The following SPIDR variants were observed in gnomAD, a reference collection of about 807,000 sequenced individuals.
SPIDR encodes scaffold protein involved in DNA repair.
In SPIDR, 93 loss-of-function variants were observed where a neutral mutation model predicts 104.6. That is an observed-to-expected ratio of 0.89 (90% CI 0.75 to 1.06). SPIDR has a LOEUF of 1.06. SPIDR is among the 50% of genes least tolerant of loss of function. SPIDR has a pLI of 0.00. For missense variants in SPIDR, 1,154 were observed against 1,111.2 expected, an observed-to-expected ratio of 1.04 and a Z score of -0.55; for synonymous variants, 431 against 416.9, an observed-to-expected ratio of 1.03 and a Z score of -0.41.
At chr8:47,650,396 A>C (rs1266700677) in intron 10 of SPIDR, among the ~76,000 whole-genome samples, 3 of 152,190 alleles carry the variant, frequency 2.0e-5, no homozygotes, top group Non-Finnish European at 4.4e-5. Flanking sequence ...GAATATACTT[A>C]ACCAAGGAGG....
At chr8:47,387,130 T>C (rs979590689) in intron 5 of SPIDR, among the ~76,000 whole-genome samples, 4 of 152,150 alleles carry the variant, frequency 2.6e-5, no homozygotes, top group Admixed American at 2.6e-4. Context: ...AGGAAGCATA[T>C]TCTAGGGCAG....
At chr8:47,687,622 A>G (rs1225109101) in intron 11 of SPIDR, among the ~76,000 whole-genome samples, 1 of 152,212 alleles carries the variant, frequency 6.6e-6, no homozygotes, top group African/African-American at 2.4e-5. Context: ...AATAAAGCTC[A>G]CTCATTAAGC....
intron 10 of SPIDR, among the ~76,000 whole-genome samples, chr8:47,648,729 T>C (rs2154452479): frequency 6.6e-6 from 1 of 152,296 alleles, no homozygotes; most frequent in South Asian, 2.1e-4. Context: ...TCTCAAAGAA[T>C]GATGGGGACA....
chr8:47,693,566 G>T (rs1182212914), intron 11 of SPIDR, among the ~76,000 whole-genome samples: 1 of 152,182 alleles, frequency 6.6e-6, no homozygotes, highest in Non-Finnish European at 1.5e-5. Flanking sequence ...AGCGTTATGC[G>T]CCTCCCAGGC....
chr8:47,463,372 A>G (rs1367301181), intron 8 of SPIDR, among the ~76,000 whole-genome samples: 1 of 151,916 alleles, frequency 6.6e-6, no homozygotes, highest in Non-Finnish European at 1.5e-5. Flanking sequence ...AAAAAAAAAA[A>G]GGAAAAGAAA....
chr8:47,535,918 A>C (rs2086825083), intron 8 of SPIDR, among the ~76,000 whole-genome samples: 1 of 152,168 alleles, frequency 6.6e-6, no homozygotes, highest in African/African-American at 2.4e-5. Flanking sequence ...GTATGTAGAA[A>C]TTCCAGAGAA....
rs566733887 is a variant in SPIDR, at chr8:47,592,065, G to T, written c.1098-3746G>T. The T allele has an allele frequency of 7.0e-5, 74 of 1,052,162 alleles. 1 individual carries two copies. The South Asian group carries it at 9.2e-4, about 13-fold the overall frequency. The allele number at this position is 1,052,162 out of a possible 1,614,324, so 65.2% of individuals were successfully genotyped here. On this transcript the variant is annotated intron_variant, in intron 8 of 19. Transcript: ENST00000297423. ...TTTATTCAGTAATGTTTCTAAGACT[G>T]TGTCCATTAAATGCAAACAAAAAGG...
At chr8:47,510,523 T>C (rs1390536621) in intron 8 of SPIDR, among the ~76,000 whole-genome samples, 1 of 152,038 alleles carries the variant, frequency 6.6e-6, no homozygotes, top group Non-Finnish European at 1.5e-5. Context: ...TTTACAGTTT[T>C]AGAGTTTCAT....
chr8:47,453,176 A>T (rs1308561385), intron 8 of SPIDR, among the ~76,000 whole-genome samples: 1 of 152,222 alleles, frequency 6.6e-6, no homozygotes, highest in Non-Finnish European at 1.5e-5. Flanking sequence ...GACCTCTTCA[A>T]GGAGAACTAC....
chr8:47,718,533 A>G (rs1220152769), intron 16 of SPIDR, among the ~76,000 whole-genome samples: 1 of 150,454 alleles, frequency 6.6e-6, no homozygotes, highest in Non-Finnish European at 1.5e-5. Flanking sequence ...TCTGTACCTC[A>G]TTGGAGGCAA....
chr8:47,555,758 G>A (rs935277672), intron 8 of SPIDR, among the ~76,000 whole-genome samples: 3 of 152,116 alleles, frequency 2.0e-5, no homozygotes, highest in African/African-American at 7.2e-5. Context: ...CATTCTCGAG[G>A]GGATGGGTAT....
At chr8:47,442,067 A>G (rs1313871621) in intron 8 of SPIDR, among the ~76,000 whole-genome samples, 1 of 152,130 alleles carries the variant, frequency 6.6e-6, no homozygotes, top group Non-Finnish European at 1.5e-5. Context: ...TGCTAGGACT[A>G]CTCACATCTC....
intron 8 of SPIDR, among the ~76,000 whole-genome samples, chr8:47,497,087 G>A (rs2079573757): frequency 1.3e-5 from 2 of 151,658 alleles, no homozygotes; most frequent in Admixed American, 1.3e-4. Context: ...TTCACAATTT[G>A]AGCCTTCTCT....
intron 11 of SPIDR, among the ~76,000 whole-genome samples, chr8:47,699,807 A>G (rs566001418): frequency 6.6e-6 from 1 of 152,346 alleles, no homozygotes; most frequent in African/African-American, 2.4e-5. Flanking sequence ...CATCCGCCTC[A>G]GCCTCCCAAA....
intron 5 of SPIDR, among the ~76,000 whole-genome samples, chr8:47,312,579 C>A (rs143817948): frequency 7.9e-5 from 12 of 151,878 alleles, no homozygotes; most frequent in African/African-American, 2.9e-4. Context: ...TTGTTTTTTT[C>A]TTGTAAATTT....
chr8:47,593,323 A>T (rs2061277631), intron 8 of SPIDR, among the ~76,000 whole-genome samples: 1 of 148,030 alleles, frequency 6.8e-6, no homozygotes, highest in Non-Finnish European at 1.5e-5. Flanking sequence ...TTTTATTTTC[A>T]CTATTTTTTT....
chr8:47,296,954 C>T (rs1378735304), intron 5 of SPIDR, among the ~76,000 whole-genome samples: 1 of 152,152 alleles, frequency 6.6e-6, no homozygotes, highest in African/African-American at 2.4e-5. Flanking sequence ...TCTATTGCCT[C>T]CTTAAATTTA....
chr8:47,539,399 A>G (rs1164424876), intron 8 of SPIDR, among the ~76,000 whole-genome samples: 2 of 152,176 alleles, frequency 1.3e-5, no homozygotes, highest in African/African-American at 4.8e-5. Context: ...TTAGCCAGAC[A>G]AGGACCACAC....
chr8:47,572,197 C>G lies in SPIDR; in HGVS notation c.1098-23614C>G, dbSNP rs184389494. ...CTGTTTTGAATGTCATATCAATAAT[C>G]TGTTTATTTTGATAAAGGTAACTTA... is the stretch of plus-strand genomic sequence containing the variant. On this transcript the variant is annotated intron_variant, in intron 8 of 19. Coordinates refer to ENST00000297423, the MANE Select transcript of SPIDR (RefSeq NM_001080394.4). 4.3e-3 allele frequency among the ~76,000 whole-genome samples: 652 copies of G among 152,250 alleles called. 6 individuals are homozygous for G. Among genetic ancestry groups the G allele is most frequent in the African/African-American group, 0.015 (609 of 41,540 alleles).
Sources: allele counts gnomAD v4.1 joint callset (sites outside exome capture counted in the v4.1 genomes callset), GRCh38; gene constraint gnomAD v4.1.1; transcripts MANE v1.5; gene names NCBI Gene and HGNC (gene_info 2026-07-23, HGNC 2026-07-21).